The following FHIT variants were observed in gnomAD, a reference collection of about 807,000 sequenced individuals.
FHIT encodes the protein bis(5'-adenosyl)-triphosphatase.
Under a neutral mutation model 17.9 loss-of-function variants are expected in FHIT, and 19 were observed. That is an observed-to-expected ratio of 1.06 (90% CI 0.74 to 1.56). The LOEUF is 1.56. FHIT is among the 40% of genes most tolerant of loss of function. The pLI is 0.00. For synonymous variants in FHIT, 81 were observed against 69.7 expected, an observed-to-expected ratio of 1.16 and a Z score of -0.81; for missense variants, 248 against 189.2, an observed-to-expected ratio of 1.31 and a Z score of -1.82.
intron 5 of FHIT, among the ~76,000 whole-genome samples, chr3:60,496,116 T>C (rs1345794439): frequency 3.3e-5 from 5 of 152,012 alleles, no homozygotes; most frequent in Non-Finnish European, 7.4e-5. Context: ...CCAAAATGCA[T>C]AGACCAAAAG....
chr3:60,066,245 G>T (rs1702498575), intron 5 of FHIT, among the ~76,000 whole-genome samples: 1 of 152,076 alleles, frequency 6.6e-6, no homozygotes, highest in Admixed American at 6.5e-5. Context: ...CTCAGGCTTA[G>T]TTTTGAAGTT....
At chr3:60,529,743 T>C (rs1057356882) in intron 5 of FHIT, among the ~76,000 whole-genome samples, 3 of 152,142 alleles carry the variant, frequency 2.0e-5, no homozygotes, top group East Asian at 1.9e-4. Context: ...TGGAAATAAA[T>C]AGAAATGGTG....
chr3:60,894,082 A>C (rs1455522062), intron 3 of FHIT, among the ~76,000 whole-genome samples: 1 of 152,136 alleles, frequency 6.6e-6, no homozygotes, highest in Non-Finnish European at 1.5e-5. Context: ...AACTACATCA[A>C]ACATTTAGCA....
At chr3:60,021,612 C>T (rs1369655684) in intron 5 of FHIT, among the ~76,000 whole-genome samples, 1 of 152,172 alleles carries the variant, frequency 6.6e-6, no homozygotes, top group Non-Finnish European at 1.5e-5. Context: ...CTAGTATGGT[C>T]TAGTGATAAT....
chr3:60,500,771 TAAAAAAAA>T (rs71092606), intron 5 of FHIT, among the ~76,000 whole-genome samples: 5 of 64,864 alleles, frequency 7.7e-5, no homozygotes, highest in African/African-American at 1.2e-4. Context: ...AGCATCCATC[TAAAAAAAA>T]AAAAAAAAAA....
At chr3:60,794,222 T>C (rs940192546) in intron 4 of FHIT, among the ~76,000 whole-genome samples, 1 of 152,190 alleles carries the variant, frequency 6.6e-6, no homozygotes, top group Non-Finnish European at 1.5e-5. Context: ...ATATGCAGAT[T>C]GGACAACTGT....
chr3:60,578,013 C>T (rs1439819497), intron 4 of FHIT, among the ~76,000 whole-genome samples: 1 of 152,126 alleles, frequency 6.6e-6, no homozygotes, highest in Non-Finnish European at 1.5e-5. Context: ...AGCTCCAGCC[C>T]AGCATCATGT....
chr3:60,687,608 G>C (rs1429120894), intron 4 of FHIT, among the ~76,000 whole-genome samples: 2 of 151,920 alleles, frequency 1.3e-5, no homozygotes, highest in Non-Finnish European at 2.9e-5. Flanking sequence ...TTTTCTAAAT[G>C]CTTCATGGCT....
At chr3:59,831,558 C>A (rs1031194985) in intron 8 of FHIT, among the ~76,000 whole-genome samples, 2 of 152,166 alleles carry the variant, frequency 1.3e-5, no homozygotes, top group African/African-American at 4.8e-5. Context: ...AACACAACCA[C>A]AGCTTTTATT....
At chr3:60,634,299 A>C (rs574667449) in intron 4 of FHIT, among the ~76,000 whole-genome samples, 2 of 152,334 alleles carry the variant, frequency 1.3e-5, no homozygotes, top group African/African-American at 4.8e-5. Context: ...AACAAAAAAA[A>C]AATCTTTTCA....
chr3:59,750,415 A>G (rs1260377069), intron 9 of FHIT: 1 of 224,602 alleles, frequency 4.5e-6, no homozygotes, highest in East Asian at 6.4e-5. Flanking sequence ...CTAAAATGAC[A>G]TACTGGCCTT....
intron 7 of FHIT, among the ~76,000 whole-genome samples, chr3:59,989,754 C>T (rs1387980845): frequency 6.6e-6 from 1 of 152,002 alleles, no homozygotes; most frequent in Non-Finnish European, 1.5e-5. Context: ...GACCTCCCTT[C>T]CCCTGTAAAT....
intron 5 of FHIT, among the ~76,000 whole-genome samples, chr3:60,473,745 C>G (rs933103675): frequency 6.6e-6 from 1 of 152,018 alleles, no homozygotes; most frequent in African/African-American, 2.4e-5. Flanking sequence ...ACAGTGAAAC[C>G]CCGTCTCTAC....
chr3:60,902,318 A>G (rs1674595115), intron 3 of FHIT, among the ~76,000 whole-genome samples: 1 of 152,216 alleles, frequency 6.6e-6, no homozygotes, highest in African/African-American at 2.4e-5. Context: ...TTTGATGCAT[A>G]TCTCAGTAAT....
intron 2 of FHIT, among the ~76,000 whole-genome samples, chr3:61,083,117 T>A (rs1350405552): frequency 6.6e-6 from 1 of 152,232 alleles, no homozygotes; most frequent in African/African-American, 2.4e-5. Flanking sequence ...CATTTTGATG[T>A]ACTCTAATAT....
chr3:60,194,783 C>T (rs555308099), intron 5 of FHIT, among the ~76,000 whole-genome samples: 1 of 152,204 alleles, frequency 6.6e-6, no homozygotes, highest in African/African-American at 2.4e-5. Context: ...AGGACATGAA[C>T]AGACATTTCT....
At chr3:60,580,020 A>G (rs1308173820) in intron 4 of FHIT, among the ~76,000 whole-genome samples, 1 of 152,164 alleles carries the variant, frequency 6.6e-6, no homozygotes, top group Non-Finnish European at 1.5e-5. Flanking sequence ...GATAAATTTC[A>G]GAGATACTAG....
At chr3:60,904,066 T>C (rs1466474322) in intron 3 of FHIT, among the ~76,000 whole-genome samples, 1 of 152,224 alleles carries the variant, frequency 6.6e-6, no homozygotes, top group African/African-American at 2.4e-5. Context: ...CTTCCATTTC[T>C]CATTTTCCAG....
At chr3:60,009,661 T>A (rs545498867) in intron 7 of FHIT, among the ~76,000 whole-genome samples, 11 of 152,328 alleles carry the variant, frequency 7.2e-5, no homozygotes, top group Admixed American at 2.0e-4. Flanking sequence ...TCAAATATGA[T>A]AAAATTCACC....
Sources: allele counts gnomAD v4.1 joint callset (sites outside exome capture counted in the v4.1 genomes callset), GRCh38; gene constraint gnomAD v4.1.1; transcripts MANE v1.5; gene names NCBI Gene and HGNC (gene_info 2026-07-23, HGNC 2026-07-21).